PRRT1B: variants seen among roughly 807,000 people sequenced by gnomAD.
PRRT1B encodes the protein proline rich transmembrane protein 1B, also known as dispanin subfamily D member 2.
intron 1 of PRRT1B, among the ~76,000 whole-genome samples, chr9:131,554,310 G>C (rs548028718): frequency 5.9e-4 from 90 of 152,332 alleles, no homozygotes; most frequent in Non-Finnish European, 1.1e-3. Flanking sequence ...CCAAGGAAAG[G>C]GGGTGGGACA....
chr9:131,552,227 C>A (rs1951016701), intron 1 of PRRT1B, among the ~76,000 whole-genome samples: 1 of 152,238 alleles, frequency 6.6e-6, no homozygotes, highest in Admixed American at 6.5e-5. Context: ...GTAGTCCAGG[C>A]TGGAGTGCAG....
chr9:131,551,043 C>T lies in PRRT1B; in HGVS notation c.26-3514C>T, dbSNP rs1370137463. Among the ~76,000 whole-genome samples, 6 of 149,490 alleles carry T rather than the reference C, an allele frequency of 4.0e-5. No homozygotes were observed. The highest frequency in any genetic ancestry group is 7.4e-5 in the Non-Finnish European group (5 of 67,622). On this transcript the variant is annotated intron_variant, in intron 1 of 3. Coordinates refer to ENST00000636672, the Ensembl canonical transcript of PRRT1B. The surrounding 1 kb of genome is among the most constrained non-coding windows in gnomAD (Gnocchi z 4.4). ...CTGCAAGCTCTGCCTCCCGGGTTCA[C>T]GCCATTCTTCTGCCTCAGCCTCCCG...
chr9:131,554,729 G>T (rs990075205), exon 2 of PRRT1B: 5 of 336,024 alleles, frequency 1.5e-5, no homozygotes, highest in Non-Finnish European at 2.1e-5. Flanking sequence ...ACGGGGCCGC[G>T]GGGGGCAGCG....
At position 131,551,092 on chromosome 9, in the gene PRRT1B, G is replaced by A. The variant is rs1294637342; in HGVS notation, c.26-3465G>A. Among the ~76,000 whole-genome samples, 1 of 151,414 alleles carries A rather than the reference G, an allele frequency of 6.6e-6. No homozygotes were observed. Among genetic ancestry groups the A allele is most frequent in the South Asian group, 2.1e-4 (1 of 4,792 alleles). ...CGAGTAGCTGGGACTACAGGCACCC[G>A]CCACCATGCTCCGCTAATTTTTTGT... On this transcript the variant is annotated intron_variant, in intron 1 of 3. Coordinates refer to ENST00000636672, the Ensembl canonical transcript of PRRT1B. This position sits in a 1 kb window ranked among gnomAD's most constrained non-coding sequence, Gnocchi z 4.4.
At position 131,551,123 on chromosome 9, in the gene PRRT1B, T is replaced by C. The variant is rs562641051; in HGVS notation, c.26-3434T>C. ...ATGCTCCGCTAATTTTTTGTATTTT[T>C]AGTAGAGACGGGGTTACACCGTGTT... On this transcript the variant is annotated intron_variant, in intron 1 of 3. Transcript: ENST00000636672. The surrounding 1 kb of genome is among the most constrained non-coding windows in gnomAD (Gnocchi z 4.4). Among the ~76,000 whole-genome samples the C allele has an allele frequency of 4.0e-5, 6 of 151,884 alleles. No homozygotes were observed. Among genetic ancestry groups the C allele is most frequent in the Non-Finnish European group, 7.4e-5 (5 of 67,984 alleles).
At chr9:131,548,377 A>C in intron 1 of PRRT1B, among the ~76,000 whole-genome samples, 1 of 151,108 alleles carries the variant, frequency 6.6e-6, no homozygotes, top group South Asian at 2.1e-4. Flanking sequence ...AACCTCTTTA[A>C]CTCTCGCCTG....
chr9:131,545,594 G>T, exon 1 of PRRT1B: 1 of 397,834 alleles, frequency 2.5e-6, no homozygotes. Flanking sequence ...CGCAGCCCTT[G>T]CAGCCGCCGC....
chr9:131,552,839 A>ATT (rs61662684), intron 1 of PRRT1B, among the ~76,000 whole-genome samples: 14,380 of 133,658 alleles, frequency 0.11, 1,009 homozygotes, highest in Non-Finnish European at 0.15. Flanking sequence ...CACCTGGTTA[A>ATT]TTTTTTTTTT....
intron 1 of PRRT1B, among the ~76,000 whole-genome samples, chr9:131,547,480 A>G: frequency 6.6e-6 from 1 of 151,952 alleles, no homozygotes; most frequent in Admixed American, 6.6e-5. Context: ...TCCTTTACCT[A>G]CGCAAATCCT....
At chr9:131,546,004 G>A (rs757473881) in intron 1 of PRRT1B, among the ~76,000 whole-genome samples, 1 of 152,182 alleles carries the variant, frequency 6.6e-6, no homozygotes, top group Non-Finnish European at 1.5e-5. Flanking sequence ...CCGGAGCCAG[G>A]GTGGGGAGAG....
chr9:131,550,106 C>T (rs953192506), intron 1 of PRRT1B, among the ~76,000 whole-genome samples: 2 of 152,164 alleles, frequency 1.3e-5, no homozygotes, highest in African/African-American at 4.8e-5. Context: ...TGTTATCACT[C>T]GCCTGCTACA....
intron 1 of PRRT1B, among the ~76,000 whole-genome samples, chr9:131,547,556 T>G (rs1193426137): frequency 6.6e-6 from 1 of 152,178 alleles, no homozygotes; most frequent in African/African-American, 2.4e-5. Context: ...TGCACCCAGG[T>G]GATTCAAAAG....
intron 1 of PRRT1B, among the ~76,000 whole-genome samples, chr9:131,546,877 C>T (rs1437578901): frequency 6.6e-6 from 1 of 152,102 alleles, no homozygotes; most frequent in Non-Finnish European, 1.5e-5. Flanking sequence ...GTTATGATAG[C>T]TGGGGCAGGG....
chr9:131,545,570 G>T (rs1026073974), exon 1 of PRRT1B: 2 of 397,420 alleles, frequency 5.0e-6, no homozygotes, highest in East Asian at 3.6e-5. Flanking sequence ...GGCAGGCGCC[G>T]GGCCAGGGAG....
chr9:131,549,600 C>T (rs1268922786), intron 1 of PRRT1B, among the ~76,000 whole-genome samples: 2 of 152,302 alleles, frequency 1.3e-5, no homozygotes, highest in African/African-American at 2.4e-5. Flanking sequence ...TAGACCATCA[C>T]GGATGCTGAG....
At chr9:131,548,227 C>T (rs982194344) in intron 1 of PRRT1B, among the ~76,000 whole-genome samples, 16 of 152,078 alleles carry the variant, frequency 1.1e-4, no homozygotes, top group Admixed American at 1.0e-3. Flanking sequence ...CCCTTCTCCA[C>T]TTTCCTGGGG....
In PRRT1B at chr9:131,545,648, A is replaced by G; in HGVS notation, c.25+8A>G. On this transcript the variant is annotated splice_region_variant and intron_variant, in intron 1 of 3. Coordinates refer to ENST00000636672, the Ensembl canonical transcript of PRRT1B. ...CAGGAGCTGGAGGGGCAGGTGCCGG[A>G]GGGGCAGGTGCTGGTGGGACAGGTA... The G allele has an allele frequency of 2.5e-6, 1 of 397,362 alleles. No individual in the cohort carries two copies. The highest frequency in any genetic ancestry group is 1.3e-4 in the South Asian group (1 of 7,950). 24.6% of individuals were successfully genotyped at this position (397,362 alleles called of 1,614,324 possible). A position where few individuals can be genotyped will look rare whatever the true frequency, so the allele number is the denominator to read the frequency against.
chr9:131,548,201 G>T (rs1292193390), intron 1 of PRRT1B, among the ~76,000 whole-genome samples: 1 of 151,690 alleles, frequency 6.6e-6, no homozygotes, highest in South Asian at 2.1e-4. Context: ...TTCCTGGGGG[G>T]ACAAGCATCC....
At chr9:131,558,537 A>C (rs1245058409) in exon 4 of PRRT1B, 1 of 214,594 alleles carries the variant, frequency 4.7e-6, no homozygotes, top group African/African-American at 2.3e-5. Flanking sequence ...TCTTGCCTTC[A>C]TCTGTGCTCT....
Sources: gnomAD v4.1 joint callset for allele counts (sites outside exome capture counted in the v4.1 genomes callset) on GRCh38, gnomAD v4.1.1 for gene constraint, Gnocchi (gnomAD v3.1) non-coding constraint, MANE v1.5 for transcripts, NCBI Gene and HGNC (gene_info 2026-07-23, HGNC 2026-07-21) for gene names.